The following PDCD1LG2 variants were observed in gnomAD, a reference collection of about 807,000 sequenced individuals.
PDCD1LG2 encodes B7 dendritic cell molecule.
Under a neutral mutation model 28.2 loss-of-function variants are expected in PDCD1LG2, and 32 were observed. The ratio of observed to expected loss-of-function variants is 1.13; its 90% CI spans 0.86 to 1.52. The LOEUF is 1.52. Among genes scored for constraint, PDCD1LG2 ranks in the 40% most tolerant of loss-of-function variants. The pLI is 0.00. For synonymous variants in PDCD1LG2, 116 were observed against 120.2 expected, an observed-to-expected ratio of 0.97 and a Z score of 0.23; for missense variants, 385 against 323.8, an observed-to-expected ratio of 1.19 and a Z score of -1.45.
chr9:5,554,087 T>C (rs577331723), intron 4 of PDCD1LG2, among the ~76,000 whole-genome samples: 17 of 152,218 alleles, frequency 1.1e-4, no homozygotes, highest in Non-Finnish European at 2.2e-4. Context: ...TGAGACCTAC[T>C]ACCTGGACCA....
chr9:5,563,042 C>A (rs1816596720), intron 5 of PDCD1LG2, 120 bp from the exon 6 acceptor site: 4 of 821,336 alleles, frequency 4.9e-6, no homozygotes, highest in Non-Finnish European at 5.9e-6. Flanking sequence ...CCACAGTGAA[C>A]ATTTGGGCTT....
At chr9:5,552,451 G>A (rs746504573) in intron 4 of PDCD1LG2, among the ~76,000 whole-genome samples, 5 of 152,110 alleles carry the variant, frequency 3.3e-5, no homozygotes, top group Non-Finnish European at 7.4e-5. Flanking sequence ...TTCTATACGT[G>A]AGTCATTAGA....
intron 4 of PDCD1LG2, among the ~76,000 whole-genome samples, chr9:5,554,110 G>A (rs1816390512): frequency 6.6e-6 from 1 of 152,124 alleles, no homozygotes; most frequent in Non-Finnish European, 1.5e-5. Flanking sequence ...TGTTTGCCTT[G>A]TAACTATGCT....
chr9:5,531,951 T>A (rs1820492263), intron 2 of PDCD1LG2, among the ~76,000 whole-genome samples: 1 of 152,188 alleles, frequency 6.6e-6, no homozygotes, highest in African/African-American at 2.4e-5. Context: ...ACAGATTGGA[T>A]TTGGTATCAG....
chr9:5,557,106 T>C (rs888129265), intron 4 of PDCD1LG2, among the ~76,000 whole-genome samples: 2 of 152,072 alleles, frequency 1.3e-5, no homozygotes, highest in Non-Finnish European at 2.9e-5. Flanking sequence ...CAACTAATGG[T>C]ATAGATTCTA....
Position 5,516,715 on chromosome 9 carries a change from G to C in PDCD1LG2, c.-14-5818G>C, listed in dbSNP as rs533645191. On this transcript the variant is annotated intron_variant, in intron 1 of 6. Transcript: ENST00000397747. ...ATCTGGAAGAGGTCGAGGCAGCAGG[G>C]GGCTAGTGTGTCAGTACCATCCTGA... 2.6e-5 allele frequency among the ~76,000 whole-genome samples: 4 copies of C among 152,358 alleles called. No homozygotes were observed. The South Asian group carries it at 8.3e-4, about 32-fold the overall frequency.
chr9:5,518,781 A>G (rs1427008369), intron 1 of PDCD1LG2, among the ~76,000 whole-genome samples: 1 of 152,086 alleles, frequency 6.6e-6, no homozygotes, highest in African/African-American at 2.4e-5. Flanking sequence ...ATCTTTACCC[A>G]TTCTCTTTTG....
At chr9:5,556,709 C>T (rs1388071590) in intron 4 of PDCD1LG2, among the ~76,000 whole-genome samples, 4 of 152,124 alleles carry the variant, frequency 2.6e-5, no homozygotes, top group Non-Finnish European at 5.9e-5. Flanking sequence ...TTTCCTGTAC[C>T]AGCCTGTCAT....
chr9:5,553,168 G>T (rs1586815594), intron 4 of PDCD1LG2, among the ~76,000 whole-genome samples: 1 of 152,202 alleles, frequency 6.6e-6, no homozygotes, highest in East Asian at 1.9e-4. Context: ...GGGAAAGAAA[G>T]AAACTAGAAA....
intron 1 of PDCD1LG2, among the ~76,000 whole-genome samples, chr9:5,514,919 T>C (rs56381807): frequency 0.32 from 48,312 of 151,624 alleles, 7,850 homozygotes; most frequent in Admixed American, 0.39. Context: ...ATGAAGGAGG[T>C]AGCCCTGAGT....
At chr9:5,516,214 G>A (rs1339000501) in intron 1 of PDCD1LG2, among the ~76,000 whole-genome samples, 2 of 152,064 alleles carry the variant, frequency 1.3e-5, no homozygotes, top group African/African-American at 2.4e-5. Context: ...ACTACATCCA[G>A]CTAATTTTTT....
At chr9:5,533,563 A>C (rs1465129758) in intron 2 of PDCD1LG2, among the ~76,000 whole-genome samples, 1 of 152,206 alleles carries the variant, frequency 6.6e-6, no homozygotes, top group African/African-American at 2.4e-5. Flanking sequence ...AGAGGTGTGG[A>C]AGTCTAGTTG....
chr9:5,519,116 G>C (rs1201969787), intron 1 of PDCD1LG2, among the ~76,000 whole-genome samples: 3 of 152,140 alleles, frequency 2.0e-5, no homozygotes, highest in Non-Finnish European at 4.4e-5. Flanking sequence ...TCTTTATTGT[G>C]GTTTCAACAG....
At position 5,549,589 on chromosome 9, in the gene PDCD1LG2, A is replaced by C; in HGVS notation, c.616A>C (p.Ser206Arg). The change falls in exon 4 of 7, where the codon AGC becomes CGC. Residue 206 changes from serine to arginine, a missense_variant. Physicochemically the swap from Ser to Arg is moderately radical, Grantham distance 110. Coordinates refer to ENST00000397747, the MANE Select transcript of PDCD1LG2 (RefSeq NM_025239.4). ...NTHVRELTLA[S>R]IDLQSQMEPR... ...TCACGTGAGGGAACTTACTTTGGCC[A>C]GCATTGACCTTCAAAGTAAGAGCTG... 1.2e-6 allele frequency: 2 copies of C among 1,614,230 alleles called. No individual in the cohort carries two copies. The highest frequency in any genetic ancestry group is 1.7e-6 in the Non-Finnish European group (2 of 1,180,026).
chr9:5,520,741 C>T (rs1820257261), intron 1 of PDCD1LG2, among the ~76,000 whole-genome samples: 1 of 152,040 alleles, frequency 6.6e-6, no homozygotes, highest in African/African-American at 2.4e-5. Context: ...TATAAAGAAA[C>T]TGAAAAGACA....
chr9:5,567,218 C>T (rs1167563691), intron 6 of PDCD1LG2, among the ~76,000 whole-genome samples: 1 of 152,230 alleles, frequency 6.6e-6, no homozygotes, highest in Non-Finnish European at 1.5e-5. Flanking sequence ...CTACCAATGT[C>T]TTAGTTGCCT....
rs142401780 is a variant in PDCD1LG2, at chr9:5,569,750, G to A, written c.817-204G>A. Among the ~76,000 whole-genome samples, 566 of 152,322 alleles carry A rather than the reference G, an allele frequency of 3.7e-3. 2 individuals are homozygous for A. Among genetic ancestry groups the A allele is most frequent in the Middle Eastern group, 6.8e-3 (2 of 294 alleles). On this transcript the variant is annotated intron_variant, in intron 6 of 6. Transcript: ENST00000397747. This position sits in a 1 kb window ranked among gnomAD's most constrained non-coding sequence, Gnocchi z 4.1. ...GGAAGAGGAACAGCTCTTGCAATAG[G>A]TCTGAGGAGAGAAGCTGAAGACTTG...
chr9:5,533,686 T>TG (rs1820525377), intron 2 of PDCD1LG2, among the ~76,000 whole-genome samples: 1 of 152,104 alleles, frequency 6.6e-6, no homozygotes, highest in African/African-American at 2.4e-5. Flanking sequence ...TCATCTTACA[T>TG]ACTTCTAGTG....
chr9:5,520,351 C>G (rs1336555956), intron 1 of PDCD1LG2, among the ~76,000 whole-genome samples: 1 of 152,126 alleles, frequency 6.6e-6, no homozygotes, highest in African/African-American at 2.4e-5. Flanking sequence ...AGAATAATTT[C>G]CTCAACAAAT....
Sources: allele counts gnomAD v4.1 joint callset (sites outside exome capture counted in the v4.1 genomes callset), GRCh38; gene constraint gnomAD v4.1.1; non-coding constraint Gnocchi (gnomAD v3.1); transcripts MANE v1.5; gene names NCBI Gene and HGNC (gene_info 2026-07-23, HGNC 2026-07-21).